KIAA1549: variants seen among roughly 807,000 people sequenced by gnomAD.
KIAA1549 encodes UPF0606 protein KIAA1549.
KIAA1549 carries 70 observed loss-of-function variants against 156.4 expected under a neutral mutation model. The observed-to-expected ratio is 0.45, with a 90% CI of 0.37 to 0.55. The LOEUF is 0.55. KIAA1549 is among the 20% of genes least tolerant of loss of function. The pLI, the probability that KIAA1549 is intolerant of heterozygous loss-of-function variation, is 0.00. For missense variants in KIAA1549, 2,428 were observed against 2,540.9 expected (o/e 0.96, Z 0.96); for synonymous variants, 1,103 against 1,066.4 (o/e 1.03, Z -0.67).
intron 16 of KIAA1549, among the ~76,000 whole-genome samples, chr7:138,856,054 CAG>C (rs1166753606): frequency 1.4e-5 from 2 of 148,024 alleles, no homozygotes; most frequent in Non-Finnish European, 3.0e-5. Context: ...TTTTTTGAGA[CAG>C]AGTCTCACTC....
intron 1 of KIAA1549, among the ~76,000 whole-genome samples, chr7:138,961,288 C>T (rs551531898): frequency 1.3e-5 from 2 of 152,308 alleles, no homozygotes; most frequent in South Asian, 4.1e-4. Context: ...GAGATCTTGG[C>T]GTTCTTCTTT....
chr7:138,831,843 G>A lies in KIAA1549; in HGVS notation c.*6063C>T, dbSNP rs1444156219. ...GCCAGACTCCCTGCGTCCCAGAGAT[G>A]CTCCGGAGGAGGGCAAAGTCGAGGG... On this transcript the variant is annotated 3_prime_UTR_variant, in exon 20 of 20. Coordinates refer to ENST00000422774, the MANE Select transcript of KIAA1549 (RefSeq NM_001164665.2). The A allele has an allele frequency of 4.3e-6, 1 of 232,760 alleles. No homozygotes were observed. Among genetic ancestry groups the A allele is most frequent in the Non-Finnish European group, 8.5e-6 (1 of 117,790 alleles). The allele number at this position is 232,760 out of a possible 1,614,324, so 14.4% of individuals were successfully genotyped here.
At chr7:138,962,993 T>G (rs1813899431) in intron 1 of KIAA1549, among the ~76,000 whole-genome samples, 1 of 152,206 alleles carries the variant, frequency 6.6e-6, no homozygotes, top group Admixed American at 6.5e-5. Flanking sequence ...GGATAGTCAC[T>G]TACGTACAGA....
At chr7:138,973,498 C>A (rs1227918243) in intron 1 of KIAA1549, among the ~76,000 whole-genome samples, 1 of 152,148 alleles carries the variant, frequency 6.6e-6, no homozygotes, top group South Asian at 2.1e-4. Context: ...ATGGTCAGTT[C>A]CTCTGTATGC....
chr7:138,974,727 T>C (rs1340442547), intron 1 of KIAA1549, among the ~76,000 whole-genome samples: 1 of 151,162 alleles, frequency 6.6e-6, no homozygotes, highest in Non-Finnish European at 1.5e-5. Flanking sequence ...CCAGACTGTA[T>C]CTCAGTGTTT....
chr7:138,859,008 AACACACACACACACACACAC>A (rs57352970), intron 16 of KIAA1549, among the ~76,000 whole-genome samples: 43 of 142,260 alleles, frequency 3.0e-4, no homozygotes, highest in African/African-American at 8.8e-4. Context: ...TCCATCTCAA[AACACACACACACACACACAC>A]ACACACACAC....
intron 4 of KIAA1549, among the ~76,000 whole-genome samples, chr7:138,909,548 A>T (rs1282561721): frequency 1.1e-4 from 16 of 152,108 alleles, no homozygotes; most frequent in Admixed American, 1.0e-3. Context: ...ATGTTGATAA[A>T]TTTTTTTTAA....
At chr7:138,957,569 C>T (rs920126978) in intron 1 of KIAA1549, among the ~76,000 whole-genome samples, 1 of 151,816 alleles carries the variant, frequency 6.6e-6, no homozygotes, top group Non-Finnish European at 1.5e-5. Flanking sequence ...CCTCTGCCTC[C>T]CAGGTTCAAG....
chr7:138,919,621 A>G, intron 1 of KIAA1549, 183 bp from the exon 2 acceptor site: 3 of 1,035,920 alleles, frequency 2.9e-6, no homozygotes, highest in Non-Finnish European at 4.1e-6. Context: ...CCATCAGGAC[A>G]ATATCTGCAA....
chr7:138,904,269 G>A (rs1221186347), intron 7 of KIAA1549, among the ~76,000 whole-genome samples: 1 of 152,240 alleles, frequency 6.6e-6, no homozygotes, highest in Non-Finnish European at 1.5e-5. Flanking sequence ...GAAGGAGCAT[G>A]TGCTTTTCAA....
chr7:138,912,300 G>C, intron 3 of KIAA1549, 72 bp downstream of exon 3: 2 of 1,066,604 alleles, frequency 1.9e-6, no homozygotes, highest in South Asian at 2.5e-5. Context: ...ATAATCACCT[G>C]CCTCTAACCT....
intron 1 of KIAA1549, among the ~76,000 whole-genome samples, chr7:138,932,869 T>C (rs549720965): frequency 1.4e-4 from 22 of 152,082 alleles, no homozygotes; most frequent in Non-Finnish European, 3.2e-4. Flanking sequence ...GGATTTACTT[T>C]AGGGAAATTC....
chr7:138,917,733 C>T lies in KIAA1549; in HGVS notation c.1893G>A (p.Pro631=), dbSNP rs1331337813. ...DFASSFFSTP[P]LELSGSISSP... ...AAGAGATGGAGCCGCTGAGTTCCAG[C>T]GGGGGTGTTGAGAAAAAGCTGGATG... is the stretch of plus-strand genomic sequence containing the variant. Residue 631 remains proline (P), a synonymous_variant, in exon 2 of 20, where the codon CCG becomes CCA. Coordinates refer to ENST00000422774, the MANE Select transcript of KIAA1549 (RefSeq NM_001164665.2). The T allele has an allele frequency of 2.6e-5, 42 of 1,589,930 alleles. 1 individual carries two copies. Among genetic ancestry groups the T allele is most frequent in the Middle Eastern group, 3.3e-4 (2 of 6,058 alleles).
intron 5 of KIAA1549, among the ~76,000 whole-genome samples, chr7:138,907,835 G>A (rs1462134686): frequency 6.6e-6 from 1 of 152,132 alleles, no homozygotes; most frequent in Non-Finnish European, 1.5e-5. Flanking sequence ...GATAACTCCT[G>A]TGCACACCGA....
chr7:138,893,881 G>A (rs1388041931), intron 10 of KIAA1549, among the ~76,000 whole-genome samples: 12 of 152,320 alleles, frequency 7.9e-5, no homozygotes, highest in East Asian at 3.9e-4. Context: ...GACCAGCCTC[G>A]CCAACATGGC....
At chr7:138,851,746 G>C (rs542771774) in intron 17 of KIAA1549, among the ~76,000 whole-genome samples, 2 of 152,288 alleles carry the variant, frequency 1.3e-5, no homozygotes, top group East Asian at 1.9e-4. Context: ...CTTACTCCTA[G>C]AGCATAACCT....
At chr7:138,887,813 G>A (rs1009472480) in intron 10 of KIAA1549, among the ~76,000 whole-genome samples, 3 of 152,194 alleles carry the variant, frequency 2.0e-5, no homozygotes, top group Admixed American at 6.5e-5. Context: ...AGGACAATTC[G>A]TTCCACGTTG....
At chr7:138,897,995 A>G (rs936597238) in intron 9 of KIAA1549, among the ~76,000 whole-genome samples, 1 of 150,812 alleles carries the variant, frequency 6.6e-6, no homozygotes, top group East Asian at 1.9e-4. Context: ...TTTTTCTTCA[A>G]TTTTAAATAC....
chr7:138,891,637 A>AG (rs550280063), intron 10 of KIAA1549, among the ~76,000 whole-genome samples: 39 of 152,316 alleles, frequency 2.6e-4, no homozygotes, highest in African/African-American at 8.2e-4. Flanking sequence ...TACGAGGGGA[A>AG]GGGGGGTGCA....
Sources: allele counts gnomAD v4.1 joint callset (sites outside exome capture counted in the v4.1 genomes callset), GRCh38; gene constraint gnomAD v4.1.1; transcripts MANE v1.5; gene names NCBI Gene and HGNC (gene_info 2026-07-23, HGNC 2026-07-21).